Variants in LRRC4C observed in about 807,000 individuals in gnomAD.
LRRC4C encodes leucine rich repeat containing 4C.
In LRRC4C, 5 loss-of-function variants were observed where a neutral mutation model predicts 33.6. That is an observed-to-expected ratio of 0.15 (90% CI 0.08 to 0.31). LRRC4C has a LOEUF of 0.31. Ranked by LOEUF, LRRC4C falls within the 10% of genes least tolerant of loss-of-function variation. The pLI, the probability that LRRC4C is intolerant of heterozygous loss-of-function variation, is 1.00. For synonymous variants in LRRC4C, 329 were observed against 302.0 expected (o/e 1.09, Z -0.93); for missense variants, 560 against 796.7 (o/e 0.70, Z 3.58).
chr11:40,700,247 C>A (rs1945802172), intron 2 of LRRC4C, among the ~76,000 whole-genome samples: 1 of 152,062 alleles, frequency 6.6e-6, no homozygotes, highest in African/African-American at 2.4e-5. Context: ...GTGAGACAGT[C>A]TTTGGATATT....
intron 2 of LRRC4C, among the ~76,000 whole-genome samples, chr11:40,857,328 C>T (rs1953838814): frequency 1.3e-5 from 2 of 152,280 alleles, no homozygotes; most frequent in East Asian, 1.9e-4. Flanking sequence ...CATGCATTAG[C>T]TATTTATCCT....
chr11:41,343,637 G>A (rs964610888), intron 1 of LRRC4C, among the ~76,000 whole-genome samples: 1 of 152,150 alleles, frequency 6.6e-6, no homozygotes, highest in African/African-American at 2.4e-5. Flanking sequence ...CAACCCAGTA[G>A]GAAAAATGAA....
chr11:40,598,891 T>C (rs570665498), intron 3 of LRRC4C, among the ~76,000 whole-genome samples: 134 of 152,166 alleles, frequency 8.8e-4, no homozygotes, highest in Non-Finnish European at 1.9e-4. Context: ...CAGAGTGAAA[T>C]GGTGAAGTCT....
intron 2 of LRRC4C, among the ~76,000 whole-genome samples, chr11:40,866,899 T>C (rs368908723): frequency 2.0e-5 from 3 of 152,270 alleles, no homozygotes; most frequent in East Asian, 1.9e-4. Context: ...TAGTAACTTA[T>C]GTGTTTTCTC....
chr11:40,482,772 G>A (rs1360324218), intron 3 of LRRC4C, among the ~76,000 whole-genome samples: 1 of 152,066 alleles, frequency 6.6e-6, no homozygotes, highest in African/African-American at 2.4e-5. Context: ...CACCTGCCTG[G>A]TCACACATCA....
chr11:40,580,441 C>G (rs1478845296), intron 3 of LRRC4C, among the ~76,000 whole-genome samples: 2 of 152,130 alleles, frequency 1.3e-5, no homozygotes, highest in Non-Finnish European at 2.9e-5. Flanking sequence ...TGACAGGTCC[C>G]TACCTCAACA....
chr11:41,011,877 T>C (rs187541336), intron 1 of LRRC4C, among the ~76,000 whole-genome samples: 32 of 148,774 alleles, frequency 2.2e-4, no homozygotes, highest in African/African-American at 7.3e-4. Flanking sequence ...AGATGGAGTC[T>C]TACTCTGTCA....
chr11:41,321,070 T>G (rs1353672754), intron 1 of LRRC4C, among the ~76,000 whole-genome samples: 2 of 152,242 alleles, frequency 1.3e-5, no homozygotes, highest in Non-Finnish European at 2.9e-5. Flanking sequence ...CTGCTGTGAG[T>G]TGGAGAAATT....
chr11:40,384,849 C>T (rs1457248429), intron 3 of LRRC4C, among the ~76,000 whole-genome samples: 1 of 151,998 alleles, frequency 6.6e-6, no homozygotes. Context: ...TCATTACCTT[C>T]TAGATTCCTA....
intron 1 of LRRC4C, among the ~76,000 whole-genome samples, chr11:41,285,222 T>A (rs1212325706): frequency 6.6e-6 from 1 of 152,148 alleles, no homozygotes; most frequent in African/African-American, 2.4e-5. Flanking sequence ...TATTCATCCA[T>A]CCATCAATCC....
At chr11:41,441,400 A>G (rs570687996) in intron 1 of LRRC4C, among the ~76,000 whole-genome samples, 1 of 152,082 alleles carries the variant, frequency 6.6e-6, no homozygotes, top group Non-Finnish European at 1.5e-5. Flanking sequence ...GATATGAGGC[A>G]TATGGAGATC....
intron 1 of LRRC4C, among the ~76,000 whole-genome samples, chr11:40,985,901 G>A (rs1405227702): frequency 6.6e-6 from 1 of 151,896 alleles, no homozygotes. Flanking sequence ...TAAGAGTCAA[G>A]GGGTAAAACA....
At chr11:40,904,773 C>T (rs1478658266) in intron 2 of LRRC4C, among the ~76,000 whole-genome samples, 1 of 152,150 alleles carries the variant, frequency 6.6e-6, no homozygotes, top group Non-Finnish European at 1.5e-5. Flanking sequence ...CTAGATCCTT[C>T]CCAAACTAAA....
intron 3 of LRRC4C, among the ~76,000 whole-genome samples, chr11:40,592,517 T>C (rs1173866025): frequency 6.6e-6 from 1 of 152,178 alleles, no homozygotes; most frequent in East Asian, 1.9e-4. Context: ...AAGCAAAGCA[T>C]ATGGAAGTGG....
chr11:40,182,278 T>C (rs1245188989), intron 5 of LRRC4C, among the ~76,000 whole-genome samples: 1 of 152,120 alleles, frequency 6.6e-6, no homozygotes, highest in Non-Finnish European at 1.5e-5. Context: ...ACTGTGTCTT[T>C]CTCTCCTCCC....
intron 1 of LRRC4C, among the ~76,000 whole-genome samples, chr11:41,262,295 T>A (rs1354915323): frequency 6.6e-6 from 1 of 152,048 alleles, no homozygotes; most frequent in Non-Finnish European, 1.5e-5. Flanking sequence ...AGTTGAACAG[T>A]TGCAGTGGAG....
At chr11:41,442,183 T>C (rs1041249398) in intron 1 of LRRC4C, among the ~76,000 whole-genome samples, 1 of 152,066 alleles carries the variant, frequency 6.6e-6, no homozygotes, top group African/African-American at 2.4e-5. Context: ...TATTTGTGCA[T>C]ACTGCATTTT....
intron 3 of LRRC4C, among the ~76,000 whole-genome samples, chr11:40,474,956 A>C (rs1402904939): frequency 6.6e-6 from 1 of 152,196 alleles, no homozygotes; most frequent in African/African-American, 2.4e-5. Context: ...GAAACAACAG[A>C]TACTGCAGAG....
chr11:40,729,917 T>C (rs1400343291), intron 2 of LRRC4C, among the ~76,000 whole-genome samples: 2 of 152,200 alleles, frequency 1.3e-5, no homozygotes, highest in Admixed American at 6.5e-5. Context: ...CATGGAATAC[T>C]ATGCAGCCAT....
Sources: allele counts gnomAD v4.1 joint callset (sites outside exome capture counted in the v4.1 genomes callset), GRCh38; gene constraint gnomAD v4.1.1; transcripts MANE v1.5; gene names NCBI Gene and HGNC (gene_info 2026-07-23, HGNC 2026-07-21).